ZC4H2: variants seen among roughly 807,000 people sequenced by gnomAD.
ZC4H2 encodes the protein zinc finger C4H2 domain-containing protein.
For missense variants in ZC4H2, 137 were observed against 173.9 expected (o/e 0.79, Z 1.19); for synonymous variants, 84 against 66.3 (o/e 1.27, Z -1.30).
chrX:64,920,016 G>T lies in ZC4H2; in HGVS notation c.398+65C>A, dbSNP rs751145545. On this transcript the variant is annotated intron_variant, in intron 3 of 4. Transcript: ENST00000374839. Reference sequence around the variant, plus strand: ...TGTATACCTGCCCGTGTGTGTGTAGGTATGTAAGTATGTATGTGGGTCGGA... The same window carrying T: ...TGTATACCTGCCCGTGTGTGTGTAGTTATGTAAGTATGTATGTGGGTCGGA... 216 of 1,103,349 alleles carry T rather than the reference G, an allele frequency of 2.0e-4. 1 individual carries two copies. Among genetic ancestry groups the T allele is most frequent in the Non-Finnish European group, 2.6e-4 (210 of 818,112 alleles). The allele number at this position is 1,103,349 out of a possible 1,213,427, so 90.9% of individuals were successfully genotyped here.
rs769440826 is a variant in ZC4H2, at chrX:65,024,100, C to T, written c.-272+10529G>A. Among the ~76,000 whole-genome samples, 3 of 109,058 alleles carry T rather than the reference C, an allele frequency of 2.8e-5. No individual in the cohort carries two copies. The South Asian group carries it at 1.3e-3, about 46-fold the overall frequency. The allele number at this position is 109,058 out of a possible 115,157, so 94.7% of individuals were successfully genotyped here. A position where few individuals can be genotyped will look rare whatever the true frequency, so the allele number is the denominator to read the frequency against. On this transcript the variant is annotated intron_variant, in intron 1 of 4. Transcript: ENST00000337990. ...TGAGGGAAACAGTACACACCGGGGC[C>T]TATCGGCGGGTGGGGGGGCACTAGG... is the stretch of plus-strand genomic sequence containing the variant.
chrX:64,947,376 T>C (rs1930585914), intron 1 of ZC4H2, among the ~76,000 whole-genome samples: 1 of 111,896 alleles, frequency 8.9e-6, no homozygotes. Flanking sequence ...TGGTTCTATA[T>C]CCTTGATGAT....
chrX:64,934,602 C>G (rs1323554744), intron 1 of ZC4H2, among the ~76,000 whole-genome samples: 1 of 111,972 alleles, frequency 8.9e-6, no homozygotes, highest in Non-Finnish European at 1.9e-5. Flanking sequence ...GAGATCAAAA[C>G]AGAAGGTGGG....
At chrX:64,928,627 TTTCTCCTTCTTCTTCTTCTTCTTC>T (rs1929542093) in intron 1 of ZC4H2, among the ~76,000 whole-genome samples, 2 of 85,881 alleles carry the variant, frequency 2.3e-5, no homozygotes, top group Admixed American at 2.5e-4. Flanking sequence ...CTTTGCCTGC[TTTCTCCTTCTTCTTCTTCTTCTTC>T]TTCTTCTTCT....
chrX:65,011,714 A>AT (rs997165550), intron 1 of ZC4H2, among the ~76,000 whole-genome samples: 50 of 105,301 alleles, frequency 4.7e-4, no homozygotes, highest in African/African-American at 1.0e-3. Flanking sequence ...TTTTTTTTGT[A>AT]TTTTTTTTTG....
chrX:64,997,341 C>T (rs1932436966), intron 1 of ZC4H2, among the ~76,000 whole-genome samples: 1 of 112,000 alleles, frequency 8.9e-6, no homozygotes, highest in African/African-American at 3.2e-5. Flanking sequence ...TATGAGAAAA[C>T]ATATAGGAAG....
At chrX:64,978,725 G>A (rs5964406), upstream of ZC4H2, among the ~76,000 whole-genome samples, 1 of 110,155 alleles carries the variant, frequency 9.1e-6, no homozygotes, top group Non-Finnish European at 1.9e-5. Flanking sequence ...TTAATGAAGA[G>A]AGTGTGTCTG....
intron 1 of ZC4H2, among the ~76,000 whole-genome samples, chrX:64,999,741 C>G (rs755823583): frequency 8.9e-6 from 1 of 112,004 alleles, no homozygotes; most frequent in African/African-American, 3.2e-5. Context: ...CTGGGGCTCT[C>G]GAGCTTGGTA....
At chrX:65,008,970 A>G (rs982264347) in intron 1 of ZC4H2, among the ~76,000 whole-genome samples, 1 of 111,882 alleles carries the variant, frequency 8.9e-6, no homozygotes, top group Non-Finnish European at 1.9e-5. Context: ...TAGAATTAAA[A>G]TGTTCCTAAA....
At position 64,950,906 on chromosome X, in the gene ZC4H2, T is replaced by C. The variant is rs188310770; in HGVS notation, c.53+25419A>G. Among the ~76,000 whole-genome samples the C allele has an allele frequency of 2.3e-3, 252 of 110,528 alleles. 2 individuals carry two copies. The highest frequency in any genetic ancestry group is 7.6e-3 in the African/African-American group (231 of 30,374). On this transcript the variant is annotated intron_variant, in intron 1 of 4. Coordinates refer to ENST00000374839, the MANE Select transcript of ZC4H2 (RefSeq NM_018684.4). Reference sequence around the variant, plus strand: ...TTGCCATGCTGGTGTGCTGCACCCATTAACTCGTCATTTAGCATTAGGTAT... The same window carrying C: ...TTGCCATGCTGGTGTGCTGCACCCACTAACTCGTCATTTAGCATTAGGTAT...
intron 1 of ZC4H2, among the ~76,000 whole-genome samples, chrX:64,933,254 T>C (rs1419311401): frequency 8.9e-6 from 1 of 111,762 alleles, no homozygotes; most frequent in Admixed American, 9.6e-5. Flanking sequence ...GAAAAAATTT[T>C]AATTATATCC....
chrX:65,028,258 T>A (rs1440360435), intron 1 of ZC4H2, among the ~76,000 whole-genome samples: 2 of 111,734 alleles, frequency 1.8e-5, no homozygotes, highest in African/African-American at 6.5e-5. Flanking sequence ...ATTCATTTAT[T>A]CAACAAAGAT....
intron 1 of ZC4H2, among the ~76,000 whole-genome samples, chrX:64,996,033 T>C (rs894864787): frequency 4.5e-5 from 5 of 111,614 alleles, no homozygotes; most frequent in African/African-American, 1.6e-4. Flanking sequence ...GCCACACTTA[T>C]GCCCAAGACA....
intron 1 of ZC4H2, among the ~76,000 whole-genome samples, chrX:64,967,874 T>C (rs1423250755): frequency 8.9e-6 from 1 of 111,968 alleles, no homozygotes; most frequent in African/African-American, 3.2e-5. Context: ...TTTCTCTCTT[T>C]AACCTCCACA....
upstream of ZC4H2, among the ~76,000 whole-genome samples, chrX:64,978,441 C>G (rs940063471): frequency 8.9e-6 from 1 of 111,910 alleles, no homozygotes; most frequent in Non-Finnish European, 1.9e-5. Flanking sequence ...GCCTGTGGAT[C>G]CAGAGCCAAG....
intron 1 of ZC4H2, among the ~76,000 whole-genome samples, chrX:64,945,339 T>A: frequency 8.9e-6 from 1 of 112,438 alleles, no homozygotes; most frequent in South Asian, 3.7e-4. Context: ...GTGAGTCCCC[T>A]CTTCTGCAGT....
chrX:65,007,221 C>T (rs945172214), intron 1 of ZC4H2, among the ~76,000 whole-genome samples: 5 of 111,132 alleles, frequency 4.5e-5, no homozygotes, highest in Admixed American at 2.9e-4. Flanking sequence ...TTTATTTATT[C>T]GTTTCCTTTA....
chrX:64,925,982 C>T (rs1419133348), intron 1 of ZC4H2, among the ~76,000 whole-genome samples: 2 of 111,901 alleles, frequency 1.8e-5, no homozygotes, highest in Non-Finnish European at 3.8e-5. Flanking sequence ...GGCAGAAGGG[C>T]CAAAACTCCT....
intron 1 of ZC4H2, among the ~76,000 whole-genome samples, chrX:64,973,124 T>C (rs1053707123): frequency 9.0e-6 from 1 of 111,457 alleles, no homozygotes; most frequent in Non-Finnish European, 1.9e-5. Context: ...TGATTAATGT[T>C]TGCAAGGTAT....
Sources: gnomAD v4.1 joint callset for allele counts (sites outside exome capture counted in the v4.1 genomes callset) on GRCh38, gnomAD v4.1.1 for gene constraint, MANE v1.5 for transcripts, NCBI Gene and HGNC (gene_info 2026-07-23, HGNC 2026-07-21) for gene names.